The following SNX29 variants were observed in gnomAD, a reference collection of about 807,000 sequenced individuals.
The protein encoded by SNX29 is sorting nexin 29.
In SNX29, 78 loss-of-function variants were observed where a neutral mutation model predicts 102.1. The ratio of observed to expected loss-of-function variants is 0.76; its 90% CI spans 0.64 to 0.92. The LOEUF (loss-of-function observed/expected upper bound fraction) is 0.92. Among genes scored for constraint, SNX29 ranks in the 40% least tolerant of loss-of-function variants. SNX29 has a pLI of 0.00. For synonymous variants in SNX29, 580 were observed against 414.5 expected (o/e 1.40, Z -4.85); for missense variants, 1,280 against 1,061.7 (o/e 1.21, Z -2.86).
chr16:12,310,342 A>G (rs1210959232), intron 15 of SNX29, among the ~76,000 whole-genome samples: 1 of 152,238 alleles, frequency 6.6e-6, no homozygotes, highest in African/African-American at 2.4e-5. Flanking sequence ...AGAAAAGGAA[A>G]TACACGTTCA....
At chr16:12,526,383 A>T (rs368760662) in intron 20 of SNX29, among the ~76,000 whole-genome samples, 117 of 152,190 alleles carry the variant, frequency 7.7e-4, no homozygotes, top group African/African-American at 2.8e-3. Context: ...AGGCCCTTTG[A>T]AATTGTCTCC....
intron 20 of SNX29, among the ~76,000 whole-genome samples, chr16:12,567,649 C>T (rs1026581587): frequency 1.3e-5 from 2 of 152,154 alleles, no homozygotes; most frequent in African/African-American, 4.8e-5. Context: ...ATAGTCCCAG[C>T]TGCTCAGGAG....
At chr16:12,106,963 A>G (rs1567211653) in intron 11 of SNX29, among the ~76,000 whole-genome samples, 1 of 151,902 alleles carries the variant, frequency 6.6e-6, no homozygotes, top group African/African-American at 2.4e-5. Flanking sequence ...CTACAGGTGC[A>G]TGTCACCATG....
Position 11,992,044 on chromosome 16 carries a change from C to G in SNX29, c.8-7253C>G, listed in dbSNP as rs1162543696. On this transcript the variant is annotated intron_variant, in intron 1 of 20. Transcript: ENST00000566228. Reference sequence around the variant, plus strand: ...GAGTGGTAGCTCACACCTGTAACCTCAGCACATTGAGGGACTGAGGCAGGA... The same window carrying G: ...GAGTGGTAGCTCACACCTGTAACCTGAGCACATTGAGGGACTGAGGCAGGA... Among the ~76,000 whole-genome samples, 5 of 152,266 alleles carry G rather than the reference C, an allele frequency of 3.3e-5. No individual in the cohort carries two copies. The East Asian group carries it at 9.6e-4, about 29-fold the overall frequency.
chr16:12,203,379 T>G (rs1417768295), intron 14 of SNX29, among the ~76,000 whole-genome samples: 3 of 151,866 alleles, frequency 2.0e-5, no homozygotes, highest in African/African-American at 7.3e-5. Context: ...AGGTGACAAC[T>G]CTGAAGTTGT....
At chr16:12,280,640 A>AT (rs765954197) in intron 15 of SNX29, among the ~76,000 whole-genome samples, 33 of 152,020 alleles carry the variant, frequency 2.2e-4, no homozygotes, top group Non-Finnish European at 3.8e-4. Flanking sequence ...CACCGGATTG[A>AT]TTTTTCCTTC....
At chr16:12,359,809 A>G (rs2151323709) in intron 16 of SNX29, among the ~76,000 whole-genome samples, 1 of 152,214 alleles carries the variant, frequency 6.6e-6, no homozygotes, top group East Asian at 1.9e-4. Flanking sequence ...TACCATTATC[A>G]CACCTATTTT....
At chr16:12,564,309 T>C (rs2078897432) in intron 20 of SNX29, among the ~76,000 whole-genome samples, 1 of 152,234 alleles carries the variant, frequency 6.6e-6, no homozygotes, top group Non-Finnish European at 1.5e-5. Context: ...CTGGCTAGAC[T>C]TCACTAGTGT....
chr16:12,322,129 C>A (rs1386579095), intron 15 of SNX29, among the ~76,000 whole-genome samples: 1 of 152,196 alleles, frequency 6.6e-6, no homozygotes, highest in East Asian at 1.9e-4. Flanking sequence ...TTCTCCCTAC[C>A]TGCAGGTTGA....
intron 18 of SNX29, among the ~76,000 whole-genome samples, chr16:12,441,646 T>G (rs967092884): frequency 2.6e-5 from 4 of 152,240 alleles, no homozygotes; most frequent in African/African-American, 4.8e-5. Context: ...AATTTATCTG[T>G]TTTTTCTTTT....
At chr16:12,309,468 C>A (rs531875623) in intron 15 of SNX29, among the ~76,000 whole-genome samples, 202 of 152,252 alleles carry the variant, frequency 1.3e-3, no homozygotes, top group African/African-American at 4.3e-3. Flanking sequence ...GCTCTCTTGG[C>A]CCCTCTGTCT....
At chr16:12,115,012 C>A (rs1217659676) in intron 11 of SNX29, among the ~76,000 whole-genome samples, 1 of 152,198 alleles carries the variant, frequency 6.6e-6, no homozygotes, top group Non-Finnish European at 1.5e-5. Context: ...CACTTAACTT[C>A]TCTCGGTCTT....
intron 20 of SNX29, among the ~76,000 whole-genome samples, chr16:12,532,263 GT>G (rs1475697714): frequency 6.6e-6 from 1 of 152,202 alleles, no homozygotes; most frequent in African/African-American, 2.4e-5. Context: ...GAAGTAAAAA[GT>G]TTTGGAAGCA....
chr16:12,571,686 T>C lies in SNX29; in HGVS notation c.*3057T>C, dbSNP rs1246716354. ...TAGGGCTGGGCAGAGGTGTCTCTCC[T>C]TGAGAGACAACAAAAGCTTCTAAGG... On this transcript the variant is annotated 3_prime_UTR_variant, in exon 21 of 21. Coordinates refer to ENST00000566228, the MANE Select transcript of SNX29 (RefSeq NM_032167.5). The C allele has an allele frequency of 9.4e-7, 1 of 1,058,502 alleles. No homozygotes were observed. The highest frequency in any genetic ancestry group is 5.5e-5 in the Admixed American group (1 of 18,094). The allele number at this position is 1,058,502 out of a possible 1,614,324, so 65.6% of individuals were successfully genotyped here. A position where few individuals can be genotyped will look rare whatever the true frequency, so the allele number is the denominator to read the frequency against.
chr16:12,462,672 A>G (rs1012883082), intron 18 of SNX29, among the ~76,000 whole-genome samples: 6 of 152,204 alleles, frequency 3.9e-5, no homozygotes, highest in African/African-American at 1.4e-4. Context: ...TGATTTCAGA[A>G]TAAACAAGGG....
chr16:12,182,946 A>G (rs1296825469), intron 13 of SNX29, among the ~76,000 whole-genome samples: 3 of 151,626 alleles, frequency 2.0e-5, no homozygotes, highest in Admixed American at 6.6e-5. Flanking sequence ...AAAAAAAAAA[A>G]AAAAAAAAAA....
Position 12,524,753 on chromosome 16 carries a change from A to G in SNX29, c.2230A>G (p.Ser744Gly), listed in dbSNP as rs543156294. Residue 744 changes from serine to glycine, a missense_variant, in exon 20 of 21, where the codon AGC (serine) becomes GGC (glycine). Ser to Gly is a moderately conservative substitution (Grantham distance 56). Coordinates refer to ENST00000566228, the MANE Select transcript of SNX29 (RefSeq NM_032167.5). ...RRKQLQNYLR[S>G]VMNKVIQMVP... is the part of the protein sequence containing the mutation. ...AAAGCAGCTCCAGAATTACCTGCGC[A>G]GCGTCATGAACAAAGTCATCCAGAT... is the stretch of plus-strand genomic sequence containing the variant. The G allele has an allele frequency of 2.5e-6, 4 of 1,613,796 alleles. No individual in the cohort carries two copies. The highest frequency in any genetic ancestry group is 2.7e-5 in the African/African-American group (2 of 74,980).
intron 19 of SNX29, among the ~76,000 whole-genome samples, chr16:12,520,765 CAG>C (rs1470420819): frequency 1.2e-5 from 1 of 85,066 alleles, no homozygotes; most frequent in African/African-American, 1.2e-4. Context: ...CAAATACATA[CAG>C]AGTGATAATA....
chr16:12,106,267 G>A (rs963571341), intron 11 of SNX29, among the ~76,000 whole-genome samples: 1 of 152,072 alleles, frequency 6.6e-6, no homozygotes, highest in Non-Finnish European at 1.5e-5. Context: ...GCGGGCTGTT[G>A]TCTGGTTTCT....
Sources: gnomAD v4.1 joint callset for allele counts (sites outside exome capture counted in the v4.1 genomes callset) on GRCh38, gnomAD v4.1.1 for gene constraint, MANE v1.5 for transcripts, NCBI Gene and HGNC (gene_info 2026-07-23, HGNC 2026-07-21) for gene names.